Variants in CDH8 observed in about 807,000 individuals in gnomAD.
The protein encoded by CDH8 is cadherin 8.
A neutral mutation model predicts 68.1 loss-of-function variants in CDH8; 17 were observed. The ratio of observed to expected loss-of-function variants is 0.25; its 90% CI spans 0.17 to 0.37. CDH8 has a LOEUF of 0.37. CDH8 is among the 10% of genes least tolerant of loss of function. The pLI is 1.00. For missense variants in CDH8, 763 were observed against 999.3 expected, an observed-to-expected ratio of 0.76 and a Z score of 3.19; for synonymous variants, 372 against 365.1, an observed-to-expected ratio of 1.02 and a Z score of -0.21.
chr16:61,798,122 T>A (rs950963841), intron 7 of CDH8, among the ~76,000 whole-genome samples: 3 of 152,188 alleles, frequency 2.0e-5, no homozygotes, highest in Non-Finnish European at 2.9e-5. Context: ...TTTGAACTTT[T>A]TTCCCCTGGA....
chr16:61,853,729 A>G (rs1052027291), intron 4 of CDH8, among the ~76,000 whole-genome samples: 1 of 152,058 alleles, frequency 6.6e-6, no homozygotes, highest in Non-Finnish European at 1.5e-5. Context: ...CTGCTCATCC[A>G]TGACATTTTC....
At position 61,932,035 on chromosome 16, in the gene CDH8, G is replaced by A. The variant is rs1964549045; in HGVS notation, c.253-30562C>T. Among the ~76,000 whole-genome samples, 3 of 152,084 alleles carry A rather than the reference G, an allele frequency of 2.0e-5. No homozygotes were observed. The South Asian group carries it at 6.2e-4, about 32-fold the overall frequency. ...ATCCTGGCTAACACGGTGAAACCCTGTCTGTACTAAAAATACAAAAAATTA... is the reference window on the plus strand; with the variant it reads ...ATCCTGGCTAACACGGTGAAACCCTATCTGTACTAAAAATACAAAAAATTA... On this transcript the variant is annotated intron_variant, in intron 2 of 11. Transcript: ENST00000577390.
intron 2 of CDH8, among the ~76,000 whole-genome samples, chr16:61,913,033 T>C (rs1388767726): frequency 6.6e-6 from 1 of 152,166 alleles, no homozygotes; most frequent in East Asian, 1.9e-4. Context: ...TTGGGTATGA[T>C]AAGTACAAGT....
At chr16:61,800,297 C>A (rs1041595569) in intron 7 of CDH8, among the ~76,000 whole-genome samples, 6 of 152,190 alleles carry the variant, frequency 3.9e-5, no homozygotes, top group Admixed American at 3.9e-4. Flanking sequence ...AATGTCTACC[C>A]ACACGGTCTC....
chr16:61,762,417 A>G (rs368139875), intron 8 of CDH8, among the ~76,000 whole-genome samples: 19 of 152,210 alleles, frequency 1.2e-4, no homozygotes, highest in East Asian at 5.8e-4. Flanking sequence ...GAGTCTAAGT[A>G]AAAAACAAAA....
At chr16:62,002,069 T>C (rs1191414708) in intron 2 of CDH8, among the ~76,000 whole-genome samples, 1 of 152,180 alleles carries the variant, frequency 6.6e-6, no homozygotes, top group Non-Finnish European at 1.5e-5. Flanking sequence ...CTTCATGACC[T>C]CAGCAAAGAC....
chr16:62,029,534 C>T (rs746341193), intron 1 of CDH8, among the ~76,000 whole-genome samples: 37 of 152,158 alleles, frequency 2.4e-4, no homozygotes, highest in African/African-American at 8.4e-4. Flanking sequence ...CTGTCCAGAA[C>T]GAACCACATC....
At chr16:61,731,083 G>A (rs934786732) in intron 8 of CDH8, among the ~76,000 whole-genome samples, 3 of 151,720 alleles carry the variant, frequency 2.0e-5, no homozygotes, top group African/African-American at 7.2e-5. Flanking sequence ...TCAAAGCCAT[G>A]GCTCAAAGAT....
chr16:61,940,654 G>T (rs1042540452), intron 2 of CDH8: 1 of 152,296 alleles, frequency 6.6e-6, no homozygotes. Flanking sequence ...GCCCTCCTCG[G>T]CCTCCCAAAG....
intron 10 of CDH8, among the ~76,000 whole-genome samples, chr16:61,666,206 GTATATA>G (rs57098637): frequency 3.4e-5 from 5 of 145,500 alleles, no homozygotes; most frequent in Non-Finnish European, 1.5e-5. Context: ...GTGTGTGTGT[GTATATA>G]TATATATATG....
rs59469211 is a variant in CDH8, at chr16:61,730,311, A to G, written c.1415-3096T>C. ...TTTATCTATCCCTGGGGCCCAGTGC[A>G]AAATACCAACTAATATCTTTTTAGG... On this transcript the variant is annotated intron_variant, in intron 8 of 11. Coordinates refer to ENST00000577390, the MANE Select transcript of CDH8 (RefSeq NM_001796.5). Among the ~76,000 whole-genome samples, 132 of 151,548 alleles carry G rather than the reference A, an allele frequency of 8.7e-4. 3 individuals are homozygous for G. In the East Asian group the frequency reaches 0.019, roughly 21 times the overall value.
intron 2 of CDH8, among the ~76,000 whole-genome samples, chr16:61,981,610 C>CA (rs1335521496): frequency 6.6e-6 from 1 of 151,108 alleles, no homozygotes; most frequent in Non-Finnish European, 1.5e-5. Context: ...GAAAAGTCTT[C>CA]AAAAAATACA....
intron 1 of CDH8, among the ~76,000 whole-genome samples, chr16:62,032,943 T>A (rs551230779): frequency 4.6e-5 from 7 of 152,322 alleles, no homozygotes; most frequent in Non-Finnish European, 7.3e-5. Flanking sequence ...CTTTTTAATA[T>A]GTGCATGTTC....
At chr16:61,825,684 A>G (rs577209770) in intron 4 of CDH8, among the ~76,000 whole-genome samples, 58 of 152,016 alleles carry the variant, frequency 3.8e-4, no homozygotes, top group African/African-American at 1.2e-3. Flanking sequence ...TCAGATGAAT[A>G]AAATACCAAT....
chr16:61,722,563 A>C (rs1038445291), intron 9 of CDH8, among the ~76,000 whole-genome samples: 2 of 150,870 alleles, frequency 1.3e-5, no homozygotes, highest in African/African-American at 4.8e-5. Context: ...TAAATAAATG[A>C]GGAATTTTTC....
At chr16:61,962,849 A>G (rs962363098) in intron 2 of CDH8, among the ~76,000 whole-genome samples, 1 of 152,046 alleles carries the variant, frequency 6.6e-6, no homozygotes, top group Non-Finnish European at 1.5e-5. Flanking sequence ...CTATGCATAT[A>G]ACACTTCTGT....
At chr16:61,846,516 T>C (rs1472852196) in intron 4 of CDH8, among the ~76,000 whole-genome samples, 1 of 152,126 alleles carries the variant, frequency 6.6e-6, no homozygotes, top group African/African-American at 2.4e-5. Context: ...TTAGAGTACC[T>C]GTCTTCTTTT....
intron 2 of CDH8, among the ~76,000 whole-genome samples, chr16:61,917,739 T>C (rs1026906174): frequency 6.6e-6 from 1 of 152,168 alleles, no homozygotes; most frequent in Non-Finnish European, 1.5e-5. Flanking sequence ...ACCTAGTACA[T>C]AGTGAACCTT....
chr16:61,764,697 C>T (rs922822130), intron 8 of CDH8, among the ~76,000 whole-genome samples: 10 of 151,960 alleles, frequency 6.6e-5, no homozygotes, highest in African/African-American at 2.2e-4. Flanking sequence ...CTCAGTTTTC[C>T]AATGTTCATT....
Sources: gnomAD v4.1 joint callset for allele counts (sites outside exome capture counted in the v4.1 genomes callset) on GRCh38, gnomAD v4.1.1 for gene constraint, MANE v1.5 for transcripts, NCBI Gene and HGNC (gene_info 2026-07-23, HGNC 2026-07-21) for gene names.